MARCHF1: variants seen among roughly 807,000 people sequenced by gnomAD.
MARCHF1 encodes E3 ubiquitin-protein ligase MARCHF1.
Under a neutral mutation model 54.2 loss-of-function variants are expected in MARCHF1, and 40 were observed. That is an observed-to-expected ratio of 0.74 (90% CI 0.57 to 0.96). The LOEUF (loss-of-function observed/expected upper bound fraction) is 0.96. Ranked by LOEUF, MARCHF1 falls within the 40% of genes least tolerant of loss-of-function variation. MARCHF1 has a pLI of 0.00. For synonymous variants in MARCHF1, 236 were observed against 236.3 expected (o/e 1.00, Z 0.01); for missense variants, 586 against 656.5 (o/e 0.89, Z 1.17).
intron 1 of MARCHF1, among the ~76,000 whole-genome samples, chr4:164,207,356 A>C (rs1297865572): frequency 1.3e-5 from 2 of 152,194 alleles, no homozygotes; most frequent in Admixed American, 6.5e-5. Context: ...TCATTTGACA[A>C]GTATTTCTTG....
chr4:164,077,854 T>C lies in MARCHF1; in HGVS notation c.-248+33734A>G, dbSNP rs1420347901. 2.6e-5 allele frequency among the ~76,000 whole-genome samples: 4 copies of C among 152,186 alleles called. 1 individual carries two copies. The highest frequency in any genetic ancestry group is 9.6e-5 in the African/African-American group (4 of 41,452). ...AGATACCATCTCACGCCAGTGAGAA[T>C]GGCAATCATTAAAAAGTCAGGAAAC... is the stretch of plus-strand genomic sequence containing the variant. On this transcript the variant is annotated intron_variant, in intron 2 of 9. Transcript: ENST00000514618.
intron 5 of MARCHF1, among the ~76,000 whole-genome samples, chr4:163,658,792 C>T (rs762426681): frequency 5.9e-5 from 9 of 151,668 alleles, no homozygotes; most frequent in Non-Finnish European, 1.2e-4. Flanking sequence ...GCCTGATGGT[C>T]GGGGGAATGT....
At chr4:164,088,258 T>C (rs1388353350) in intron 2 of MARCHF1, among the ~76,000 whole-genome samples, 2 of 152,194 alleles carry the variant, frequency 1.3e-5, no homozygotes, top group Non-Finnish European at 2.9e-5. Flanking sequence ...TAATTTGAGA[T>C]AAATTGGCGT....
chr4:163,578,631 G>A lies in MARCHF1; in HGVS notation c.1191+7118C>T, dbSNP rs920449503. On this transcript the variant is annotated intron_variant, in intron 8 of 9. Transcript: ENST00000514618. Reference sequence around the variant, plus strand: ...ATTAATTTTTCTATGTGTTTATAAAGTTTTTGGCTTTATTTTTGTTTTGTA... The same window carrying A: ...ATTAATTTTTCTATGTGTTTATAAAATTTTTGGCTTTATTTTTGTTTTGTA... 5.9e-5 allele frequency among the ~76,000 whole-genome samples: 9 copies of A among 152,152 alleles called. No homozygotes were observed. In the East Asian group the frequency reaches 1.7e-3, roughly 29 times the overall value.
chr4:163,562,596 C>T (rs1193652835), intron 8 of MARCHF1, among the ~76,000 whole-genome samples: 2 of 152,188 alleles, frequency 1.3e-5, no homozygotes, highest in Non-Finnish European at 2.9e-5. Context: ...CACACTCTCC[C>T]AATCTTTCTC....
At chr4:163,689,668 C>T (rs1561020930) in intron 5 of MARCHF1, among the ~76,000 whole-genome samples, 2 of 151,130 alleles carry the variant, frequency 1.3e-5, no homozygotes, top group Non-Finnish European at 2.9e-5. Flanking sequence ...TTTTTTTTCC[C>T]AGGCATCTCC....
At chr4:163,905,322 T>G (rs1402007845) in intron 3 of MARCHF1, among the ~76,000 whole-genome samples, 1 of 152,028 alleles carries the variant, frequency 6.6e-6, no homozygotes, top group African/African-American at 2.4e-5. Flanking sequence ...TTCACGAACA[T>G]AGATAATGAT....
At chr4:163,613,193 G>T in intron 6 of MARCHF1, 121 bp downstream of exon 6, 1 of 1,273,248 alleles carries the variant, frequency 7.9e-7, no homozygotes, top group Non-Finnish European at 1.1e-6. Context: ...AAAATAGCCA[G>T]TATAAATTTT....
chr4:163,643,381 C>T (rs1742634830), intron 5 of MARCHF1, among the ~76,000 whole-genome samples: 5 of 110,406 alleles, frequency 4.5e-5, no homozygotes, highest in Admixed American at 4.4e-4. Context: ...TGCTGTGTTG[C>T]CCAGGCTAGT....
At chr4:164,271,001 C>G (rs1429137559) in intron 1 of MARCHF1, among the ~76,000 whole-genome samples, 1 of 152,020 alleles carries the variant, frequency 6.6e-6, no homozygotes, top group African/African-American at 2.4e-5. Flanking sequence ...TACCATAATT[C>G]ATGAGTAGAA....
At chr4:163,934,105 G>A (rs141204218) in intron 3 of MARCHF1, among the ~76,000 whole-genome samples, 53 of 152,280 alleles carry the variant, frequency 3.5e-4, no homozygotes, top group African/African-American at 1.2e-3. Flanking sequence ...GCAGATATGT[G>A]CACATGTGTG....
chr4:164,349,115 C>T (rs546737024), intron 1 of MARCHF1, among the ~76,000 whole-genome samples: 2 of 152,256 alleles, frequency 1.3e-5, no homozygotes, highest in East Asian at 3.9e-4. Context: ...CCTCTCCCTA[C>T]CAGATCTGTG....
chr4:164,275,569 T>C (rs1374448777), intron 1 of MARCHF1, among the ~76,000 whole-genome samples: 1 of 152,260 alleles, frequency 6.6e-6, no homozygotes, highest in East Asian at 1.9e-4. Context: ...GATAAATAAC[T>C]GAGAAGTGAG....
At chr4:164,339,223 G>A (rs1323926724) in intron 1 of MARCHF1, among the ~76,000 whole-genome samples, 2 of 152,102 alleles carry the variant, frequency 1.3e-5, no homozygotes, top group South Asian at 4.1e-4. Flanking sequence ...TAAACCAAGT[G>A]GACCTCACAG....
chr4:163,894,196 T>G (rs1171722592), intron 3 of MARCHF1, among the ~76,000 whole-genome samples: 1 of 152,162 alleles, frequency 6.6e-6, no homozygotes, highest in Non-Finnish European at 1.5e-5. Context: ...CTCAGCTAAC[T>G]GTAAGAAGAA....
rs559174952 is a variant in MARCHF1 at position 164,143,006 on chromosome 4, C to T, written c.-322-31344G>A. On this transcript the variant is annotated intron_variant, in intron 1 of 9. Coordinates refer to ENST00000514618, the MANE Select transcript of MARCHF1 (RefSeq NM_001394959.1). ...GCTGATGGAGCTGAAAACCAAGGCT[C>T]GAGAACTAAGTGAAGAATGCAGAAG... Among the ~76,000 whole-genome samples the T allele has an allele frequency of 3.1e-3, 471 of 150,896 alleles. 1 individual carries two copies. Among genetic ancestry groups the T allele is most frequent in the African/African-American group, 0.011 (442 of 41,134 alleles).
chr4:163,650,370 T>C lies in MARCHF1; in HGVS notation c.163-36977A>G, dbSNP rs960574222. 2.0e-5 allele frequency among the ~76,000 whole-genome samples: 3 copies of C among 152,000 alleles called. No individual in the cohort carries two copies. In the South Asian group the frequency reaches 6.2e-4, roughly 32 times the overall value. ...GGTATTCAAAAAACATGAGACTTTG[T>C]GGCAGGACTTTGGAGTCCGACAAAC... On this transcript the variant is annotated intron_variant, in intron 5 of 9. Coordinates refer to ENST00000514618, the MANE Select transcript of MARCHF1 (RefSeq NM_001394959.1).
chr4:164,120,560 C>A (rs1756045771), intron 1 of MARCHF1, among the ~76,000 whole-genome samples: 1 of 152,068 alleles, frequency 6.6e-6, no homozygotes, highest in African/African-American at 2.4e-5. Flanking sequence ...GTGGATCATT[C>A]TTAAGGACTG....
chr4:163,700,143 C>A (rs1046197672), intron 5 of MARCHF1, among the ~76,000 whole-genome samples: 5 of 152,004 alleles, frequency 3.3e-5, no homozygotes, highest in African/African-American at 1.2e-4. Flanking sequence ...GATATAGTTT[C>A]AACTTGGATA....
Sources: gnomAD v4.1 joint callset for allele counts (sites outside exome capture counted in the v4.1 genomes callset) on GRCh38, gnomAD v4.1.1 for gene constraint, MANE v1.5 for transcripts, NCBI Gene and HGNC (gene_info 2026-07-23, HGNC 2026-07-21) for gene names.